Variants in PITPNC1 observed in about 807,000 individuals in gnomAD.
PITPNC1 encodes the protein cytoplasmic phosphatidylinositol transfer protein 1.
A neutral mutation model predicts 44.7 loss-of-function variants in PITPNC1; 18 were observed. That is an observed-to-expected ratio of 0.40 (90% confidence interval 0.28 to 0.60). The LOEUF (loss-of-function observed/expected upper bound fraction) is 0.60, where lower values mean the gene tolerates loss of function less well. PITPNC1 is among the 20% of genes least tolerant of loss of function. The pLI is 0.39. For missense variants in PITPNC1, 290 were observed against 418.4 expected, an observed-to-expected ratio of 0.69 and a Z score of 2.68; for synonymous variants, 141 against 149.6, an observed-to-expected ratio of 0.94 and a Z score of 0.42.
intron 1 of PITPNC1, chr17:67,525,535 AC>A (rs2040381211): frequency 6.6e-6 from 1 of 152,198 alleles, no homozygotes; most frequent in Non-Finnish European, 1.5e-5. Flanking sequence ...GACAGCTCTC[AC>A]CTCTAGCTTT....
intron 1 of PITPNC1, among the ~76,000 whole-genome samples, chr17:67,491,567 G>C (rs139446816): frequency 6.6e-6 from 1 of 152,310 alleles, no homozygotes; most frequent in East Asian, 1.9e-4. Context: ...TCACCACTTT[G>C]GTTAGTGGTG....
chr17:67,629,577 T>G (rs1156771856), intron 5 of PITPNC1, among the ~76,000 whole-genome samples: 3 of 152,054 alleles, frequency 2.0e-5, no homozygotes, highest in Non-Finnish European at 4.4e-5. Context: ...GTGCCTGGCC[T>G]CTGTGTGTCT....
At chr17:67,616,707 TC>T (rs1005203063) in intron 5 of PITPNC1, among the ~76,000 whole-genome samples, 2 of 152,188 alleles carry the variant, frequency 1.3e-5, no homozygotes, top group African/African-American at 4.8e-5. Flanking sequence ...ACGTGCCCTT[TC>T]CCTCAAAGGG....
At chr17:67,469,865 A>G (rs1043071755) in intron 1 of PITPNC1, among the ~76,000 whole-genome samples, 1 of 152,074 alleles carries the variant, frequency 6.6e-6, no homozygotes, top group Non-Finnish European at 1.5e-5. Context: ...GGGCTGAGAG[A>G]TTTTTTAAAA....
intron 1 of PITPNC1, among the ~76,000 whole-genome samples, chr17:67,409,545 G>A (rs78696513): frequency 6.8e-6 from 1 of 146,820 alleles, no homozygotes; most frequent in Admixed American, 6.8e-5. Context: ...TTTTTTTTTG[G>A]TGGTGGTGGC....
At chr17:67,476,685 AT>A (rs1568006057) in intron 1 of PITPNC1, among the ~76,000 whole-genome samples, 1 of 151,942 alleles carries the variant, frequency 6.6e-6, no homozygotes, top group Non-Finnish European at 1.5e-5. Context: ...GGGTCTCACT[AT>A]GTTGCCCAGG....
rs558310588 is a variant in PITPNC1, at chr17:67,579,614, ATTTTT to A, written c.366+1381_366+1385del. On this transcript the variant is annotated intron_variant, in intron 5 of 8. Transcript: ENST00000581322. ...CAACTTGAATCCTTGTAAAATAGTG[ATTTTT>A]TTTTTTTTTTTTTTTTTTTTTTTCT... is the stretch of plus-strand genomic sequence containing the variant. 9.5e-3 allele frequency among the ~76,000 whole-genome samples: 844 copies of A among 88,806 alleles called. 9 individuals carry two copies. The highest frequency in any genetic ancestry group is 0.038 in the African/African-American group (797 of 21,008). 58.3% of individuals were successfully genotyped at this position (88,806 alleles called of 152,430 possible).
At chr17:67,492,426 G>C (rs945987109) in intron 1 of PITPNC1, among the ~76,000 whole-genome samples, 16 of 152,144 alleles carry the variant, frequency 1.1e-4, no homozygotes, top group African/African-American at 3.9e-4. Context: ...AGGAACAGCT[G>C]AGCCACCAGA....
intron 1 of PITPNC1, among the ~76,000 whole-genome samples, chr17:67,434,777 AAC>A (rs2038909323): frequency 6.8e-6 from 1 of 147,624 alleles, no homozygotes; most frequent in East Asian, 2.0e-4. Flanking sequence ...AACAGGGAAC[AAC>A]AGAGTGAGAC....
At chr17:67,457,191 G>A (rs1312846727) in intron 1 of PITPNC1, 8 of 152,046 alleles carry the variant, frequency 5.3e-5, no homozygotes, top group African/African-American at 1.9e-4. Context: ...ATACCTGTTT[G>A]GAATAGTGCA....
At chr17:67,429,150 A>G (rs2038818887) in intron 1 of PITPNC1, among the ~76,000 whole-genome samples, 1 of 151,758 alleles carries the variant, frequency 6.6e-6, no homozygotes, top group Admixed American at 6.6e-5. Context: ...TTTTTTACCT[A>G]CTTGTCTTTA....
intron 1 of PITPNC1, among the ~76,000 whole-genome samples, chr17:67,472,036 A>G (rs1221763853): frequency 6.6e-6 from 1 of 151,870 alleles, no homozygotes; most frequent in Non-Finnish European, 1.5e-5. Context: ...ATGTTTTCTG[A>G]TCATTAGACT....
chr17:67,685,098 T>C (rs1376188305), intron 8 of PITPNC1, among the ~76,000 whole-genome samples: 1 of 152,262 alleles, frequency 6.6e-6, no homozygotes, highest in Non-Finnish European at 1.5e-5. Flanking sequence ...TTCAGATATA[T>C]TTGTGTTTAA....
intron 5 of PITPNC1, among the ~76,000 whole-genome samples, chr17:67,608,930 C>T (rs1360040587): frequency 6.6e-6 from 1 of 152,130 alleles, no homozygotes; most frequent in Non-Finnish European, 1.5e-5. Context: ...GCATCTTTGG[C>T]AGGAATTCTG....
intron 1 of PITPNC1, among the ~76,000 whole-genome samples, chr17:67,416,895 C>T (rs940188923): frequency 7.2e-5 from 11 of 152,190 alleles, no homozygotes; most frequent in Middle Eastern, 3.4e-3. Flanking sequence ...TCACCGCAAC[C>T]TCTGCCTCCC....
chr17:67,591,627 T>A (rs887413004), intron 5 of PITPNC1, among the ~76,000 whole-genome samples: 2 of 152,184 alleles, frequency 1.3e-5, no homozygotes, highest in African/African-American at 2.4e-5. Flanking sequence ...GATTTTCTGA[T>A]ATTTCTTGAT....
At chr17:67,437,044 C>T (rs1175053355) in intron 1 of PITPNC1, among the ~76,000 whole-genome samples, 1 of 150,902 alleles carries the variant, frequency 6.6e-6, no homozygotes, top group Admixed American at 6.6e-5. Context: ...CTCAGCCTCC[C>T]GAGTAACTAA....
intron 1 of PITPNC1, among the ~76,000 whole-genome samples, chr17:67,513,489 G>GTGTATATATA (rs772483698): frequency 1.9e-4 from 27 of 138,662 alleles, no homozygotes; most frequent in African/African-American, 6.4e-4. Flanking sequence ...GTGTGTGTGT[G>GTGTATATATA]TATATATATA....
At chr17:67,575,807 TTTCTTTCTTTCTTTCC>T (rs1278464882) in intron 4 of PITPNC1, among the ~76,000 whole-genome samples, 1 of 119,860 alleles carries the variant, frequency 8.3e-6, no homozygotes, top group African/African-American at 3.5e-5. Context: ...TCTTTCTTTC[TTTCTTTCTTTCTTTCC>T]TTCCTTCCTT....
Sources: gnomAD v4.1 joint callset for allele counts (sites outside exome capture counted in the v4.1 genomes callset) on GRCh38, gnomAD v4.1.1 for gene constraint, MANE v1.5 for transcripts, NCBI Gene and HGNC (gene_info 2026-07-23, HGNC 2026-07-21) for gene names.